The following GDNF variants were observed in gnomAD, a reference collection of about 807,000 sequenced individuals.
The protein encoded by GDNF is glial cell derived neurotrophic factor, also known as glial cell line-derived neurotrophic factor.
GDNF carries 5 observed loss-of-function variants against 13.7 expected under a neutral mutation model. That is an observed-to-expected ratio of 0.36 (90% CI 0.19 to 0.77). GDNF has a LOEUF of 0.77. GDNF is among the 30% of genes least tolerant of loss of function. GDNF has a pLI of 0.51. For synonymous variants in GDNF, 122 were observed against 112.5 expected (o/e 1.08, Z -0.53); for missense variants, 246 against 274.3 (o/e 0.90, Z 0.73).
intron 2 of GDNF, among the ~76,000 whole-genome samples, chr5:37,819,859 GTT>G (rs1413948026): frequency 2.0e-5 from 3 of 151,906 alleles, no homozygotes; most frequent in Non-Finnish European, 4.4e-5. Context: ...AATCACTTTG[GTT>G]GACAGAAACA....
rs538052392 is a variant in GDNF, at chr5:37,835,206, C to T, written c.-26-384G>A. 2.0e-5 allele frequency among the ~76,000 whole-genome samples: 3 copies of T among 151,980 alleles called. No homozygotes were observed. The East Asian group carries it at 5.8e-4, about 30-fold the overall frequency. ...CTGGGGGGCAATCGGGTAGTTCCCA[C>T]CCTTCGTCCTCCACCCCAACCAGAG... On this transcript the variant is annotated intron_variant, in intron 1 of 2. Transcript: ENST00000326524.
rs991497155 is a variant in GDNF, at chr5:37,812,820, G to A, written c.*2831C>T. On this transcript the variant is annotated 3_prime_UTR_variant, in exon 3 of 3. Transcript: ENST00000326524. Reference sequence around the variant, plus strand: ...ACTTCCAAACAAGTGCACTCCTTACGGTATCAGATGGTGATCGCAATGATA... The same window carrying A: ...ACTTCCAAACAAGTGCACTCCTTACAGTATCAGATGGTGATCGCAATGATA... 5.0e-5 allele frequency: 4 copies of A among 79,416 alleles called. No homozygotes were observed. Among genetic ancestry groups the A allele is most frequent in the East Asian group, 3.8e-4 (1 of 2,616 alleles). The allele number at this position is 79,416 out of a possible 1,614,324, so 4.9% of individuals were successfully genotyped here.
rs565665005 is a variant in GDNF at position 37,831,307 on chromosome 5, C to CTT, written c.151+3337_151+3338dup. On this transcript the variant is annotated intron_variant, in intron 2 of 2. Transcript: ENST00000326524. The stretch of plus-strand genomic sequence containing the variant: ...AAGCTATGTTCCATGAGGGCAGCGA[C>CTT]TTTTGTTTATTAGGTGTATCAAGGT... 4.9e-4 allele frequency among the ~76,000 whole-genome samples: 74 copies of CTT among 152,302 alleles called. 1 individual carries two copies. The highest frequency in any genetic ancestry group is 4.7e-3 in the Admixed American group (72 of 15,298).
intron 1 of GDNF, chr5:37,835,446 C>T (rs766215830): frequency 9.7e-6 from 14 of 1,444,216 alleles, no homozygotes; most frequent in African/African-American, 1.4e-5. Context: ...TATTCTGTTG[C>T]GAGAGCAAGA....
intron 2 of GDNF, among the ~76,000 whole-genome samples, chr5:37,825,775 G>T (rs1750291853): frequency 1.3e-5 from 2 of 152,174 alleles, no homozygotes; most frequent in African/African-American, 4.8e-5. Context: ...TGAGCAGTAG[G>T]TAAAAGGCAT....
intron 2 of GDNF, 33 bp downstream of exon 2, chr5:37,834,613 G>A (rs1387139004): frequency 6.9e-7 from 1 of 1,454,992 alleles, no homozygotes; most frequent in African/African-American, 1.5e-5. Flanking sequence ...GGGTCCGCCG[G>A]CGGCCCCCCC....
At chr5:37,824,363 G>C (rs1581582523) in intron 2 of GDNF, 1 of 152,256 alleles carries the variant, frequency 6.6e-6, no homozygotes, top group Non-Finnish European at 1.5e-5. Flanking sequence ...GTCATACCCA[G>C]CTTATGACTC....
At chr5:37,829,009 T>G (rs1442563926) in intron 2 of GDNF, among the ~76,000 whole-genome samples, 1 of 152,252 alleles carries the variant, frequency 6.6e-6, no homozygotes, top group East Asian at 1.9e-4. Flanking sequence ...TGAAGCAAGA[T>G]CCCGCCTTGT....
intron 2 of GDNF, among the ~76,000 whole-genome samples, chr5:37,818,783 C>T (rs1750019752): frequency 6.6e-6 from 1 of 152,120 alleles, no homozygotes; most frequent in South Asian, 2.1e-4. Flanking sequence ...GCAAAGAATA[C>T]CAGATTAAAT....
intron 2 of GDNF, among the ~76,000 whole-genome samples, chr5:37,834,123 G>T (rs1316534765): frequency 6.6e-6 from 1 of 152,218 alleles, no homozygotes; most frequent in African/African-American, 2.4e-5. Flanking sequence ...TTACCCAGAC[G>T]CTTGTTCTGG....
At chr5:37,835,926 C>T in intron 1 of GDNF, 2 of 538,748 alleles carry the variant, frequency 3.7e-6, no homozygotes, top group Non-Finnish European at 6.7e-6. Flanking sequence ...CTTCTCAATC[C>T]TCACACCCCT....
intron 1 of GDNF, among the ~76,000 whole-genome samples, chr5:37,836,675 G>A (rs915609292): frequency 9.2e-5 from 14 of 152,344 alleles, no homozygotes; most frequent in African/African-American, 3.1e-4. Context: ...GCCCCCCGCC[G>A]GTGCCAGCTC....
At chr5:37,830,501 G>A (rs541849973) in intron 2 of GDNF, among the ~76,000 whole-genome samples, 2 of 152,350 alleles carry the variant, frequency 1.3e-5, no homozygotes, top group South Asian at 4.1e-4. Context: ...CCAACCAACA[G>A]TGGGGCCCAA....
intron 2 of GDNF, among the ~76,000 whole-genome samples, chr5:37,825,895 G>C (rs1317276294): frequency 6.6e-6 from 1 of 152,144 alleles, no homozygotes; most frequent in Non-Finnish European, 1.5e-5. Flanking sequence ...ATATGAGGAG[G>C]GAATTTCTAC....
At chr5:37,836,933 G>C (rs2973036) in intron 1 of GDNF, among the ~76,000 whole-genome samples, 53,812 of 152,164 alleles carry the variant, frequency 0.35, 12,495 homozygotes, top group African/African-American at 0.67. Context: ...AACTCCCCGC[G>C]TCGCCAGAGG....
In GDNF at chr5:37,814,888, C is replaced by G. The variant is rs935301614; in HGVS notation, c.*763G>C. 1.3e-5 allele frequency: 2 copies of G among 152,324 alleles called. No homozygotes were observed. Among genetic ancestry groups the G allele is most frequent in the African/African-American group, 4.8e-5 (2 of 41,452 alleles). 9.4% of individuals were successfully genotyped at this position (152,324 alleles called of 1,614,324 possible). ...TCCCCGATTCTCTCCTACAAGAATG[C>G]TGGCGAAAACCACAACTCGTTTCCT... On this transcript the variant is annotated 3_prime_UTR_variant, in exon 3 of 3. Transcript: ENST00000326524.
Position 37,838,219 on chromosome 5 carries a change from G to A in GDNF, c.-27+1288C>T, listed in dbSNP as rs2973035. On this transcript the variant is annotated intron_variant, in intron 1 of 2. Transcript: ENST00000326524. The surrounding 1 kb of genome is among the most constrained non-coding windows in gnomAD (Gnocchi z 4.1). ...GTTTAAAGGGCCAGGTTCCAGGCCC[G>A]AGAGCACCCGAATTGCTAGCGGGAA... is the stretch of plus-strand genomic sequence containing the variant. 0.12 allele frequency among the ~76,000 whole-genome samples: 18,361 copies of A among 152,036 alleles called. 1,263 individuals carry two copies. The highest frequency in any genetic ancestry group is 0.22 in the South Asian group (1,066 of 4,818).
rs1750783159 is a variant in GDNF, at chr5:37,838,329, C to T, written c.-27+1178G>A. 6.6e-6 allele frequency among the ~76,000 whole-genome samples: 1 copy of T among 152,184 alleles called. No homozygotes were observed. The highest frequency in any genetic ancestry group is 1.5e-5 in the Non-Finnish European group (1 of 68,036). The stretch of plus-strand genomic sequence containing the variant: ...GCCACCTTCCCTGACAAAGCGAAGG[C>T]GCAGCGAAACAGTACGAGTTTGGTC... On this transcript the variant is annotated intron_variant, in intron 1 of 2. Transcript: ENST00000326524. This position sits in a 1 kb window ranked among gnomAD's most constrained non-coding sequence, Gnocchi z 4.1.
At position 37,812,731 on chromosome 5, in the gene GDNF, A is replaced by G. The variant is rs1749767464; in HGVS notation, c.*2920T>C. The G allele has an allele frequency of 6.6e-6, 1 of 152,242 alleles. No homozygotes were observed. Among genetic ancestry groups the G allele is most frequent in the Non-Finnish European group, 1.5e-5 (1 of 68,046 alleles). The allele number at this position is 152,242 out of a possible 1,614,324, so 9.4% of individuals were successfully genotyped here. ...AGTTACAAAATGATATTGTACAAAA[A>G]TAAAGTCTGTAGAGAACTTTGGTTT... On this transcript the variant is annotated 3_prime_UTR_variant, in exon 3 of 3. Coordinates refer to ENST00000326524, the MANE Select transcript of GDNF (RefSeq NM_000514.4).
Sources: allele counts gnomAD v4.1 joint callset (sites outside exome capture counted in the v4.1 genomes callset), GRCh38; gene constraint gnomAD v4.1.1; non-coding constraint Gnocchi (gnomAD v3.1); transcripts MANE v1.5; gene names NCBI Gene and HGNC (gene_info 2026-07-23, HGNC 2026-07-21).